Variants in PTPRQ observed in about 807,000 individuals in gnomAD.
PTPRQ encodes protein tyrosine phosphatase receptor type Q, also known as phosphatidylinositol phosphatase PTPRQ.
Under a neutral mutation model 246.0 loss-of-function variants are expected in PTPRQ, and 199 were observed. That is an observed-to-expected ratio of 0.81 (90% CI 0.72 to 0.91). The LOEUF (loss-of-function observed/expected upper bound fraction) is 0.91. Among genes scored for constraint, PTPRQ ranks in the 40% least tolerant of loss-of-function variants. The probability of loss-of-function intolerance (pLI) is 0.00; values close to 1 mark genes in which losing one functional copy is unlikely to be tolerated. For missense variants in PTPRQ, 2,624 were observed against 2,528.4 expected (o/e 1.04, Z -0.81); for synonymous variants, 869 against 853.2 (o/e 1.02, Z -0.32).
chr12:80,534,596 T>A (rs1189014680), intron 18 of PTPRQ, among the ~76,000 whole-genome samples: 2 of 152,050 alleles, frequency 1.3e-5, no homozygotes, highest in East Asian at 3.9e-4. Context: ...TATTTTGTAT[T>A]GGAAACCTGT....
intron 17 of PTPRQ, among the ~76,000 whole-genome samples, chr12:80,522,208 A>G (rs1195716551): frequency 6.6e-6 from 1 of 152,278 alleles, no homozygotes; most frequent in South Asian, 2.1e-4. Context: ...TTGTACATTG[A>G]TTTTGTATCC....
At chr12:80,643,078 C>T (rs1016273443) in intron 35 of PTPRQ, among the ~76,000 whole-genome samples, 1 of 152,094 alleles carries the variant, frequency 6.6e-6, no homozygotes, top group Non-Finnish European at 1.5e-5. Flanking sequence ...TTGTCCTACA[C>T]ATATGAGAAG....
rs985645807 is a variant in PTPRQ at position 80,521,839 on chromosome 12, A to G, written c.2678+11396A>G. Among the ~76,000 whole-genome samples the G allele has an allele frequency of 6.8e-4, 103 of 152,158 alleles. 1 individual carries two copies. Among genetic ancestry groups the G allele is most frequent in the Admixed American group, 1.9e-3 (29 of 15,266 alleles). ...TCTTTTGGCTTAGGATTGACTTGGC[A>G]ATGTGGGCTCTTTTTTGGTTCCATA... On this transcript the variant is annotated intron_variant, in intron 17 of 44. Transcript: ENST00000644991.
chr12:80,477,652 G>T (rs192845697), intron 8 of PTPRQ, among the ~76,000 whole-genome samples: 1 of 152,166 alleles, frequency 6.6e-6, no homozygotes, highest in African/African-American at 2.4e-5. Context: ...GACAGTGGGC[G>T]CAGGTCAGTG....
chr12:80,556,423 T>C (rs1281885587), intron 25 of PTPRQ, among the ~76,000 whole-genome samples: 1 of 152,166 alleles, frequency 6.6e-6, no homozygotes, highest in Admixed American at 6.5e-5. Flanking sequence ...TTATTGATAG[T>C]TTCAAAATTG....
intron 23 of PTPRQ, among the ~76,000 whole-genome samples, chr12:80,543,299 A>G (rs754877937): frequency 6.6e-5 from 10 of 151,834 alleles, no homozygotes; most frequent in Non-Finnish European, 1.0e-4. Context: ...CAGATAGCAT[A>G]TGATCCTACA....
At chr12:80,567,941 TA>T (rs765454822) in intron 25 of PTPRQ, among the ~76,000 whole-genome samples, 1 of 152,148 alleles carries the variant, frequency 6.6e-6, no homozygotes, top group Non-Finnish European at 1.5e-5. Flanking sequence ...CGAGGTGACA[TA>T]AAAAGTATAT....
At chr12:80,444,624 TA>T in intron 1 of PTPRQ, 116 bp from the exon 2 acceptor site, 1 of 765,402 alleles carries the variant, frequency 1.3e-6, no homozygotes, top group Non-Finnish European at 2.2e-6. Flanking sequence ...TGTGATGTTA[TA>T]AACAGTGCAG....
chr12:80,511,171 G>A (rs1226581020), intron 17 of PTPRQ, among the ~76,000 whole-genome samples: 1 of 152,062 alleles, frequency 6.6e-6, no homozygotes, highest in Non-Finnish European at 1.5e-5. Flanking sequence ...TGAATTTGAA[G>A]GGCCAGCATT....
At chr12:80,632,153 A>T (rs1443924250) in intron 33 of PTPRQ, 39 bp from the exon 34 acceptor site, 1 of 1,532,058 alleles carries the variant, frequency 6.5e-7, no homozygotes, top group African/African-American at 1.4e-5. Context: ...ATAAGATTCC[A>T]TAATAATATT....
At chr12:80,615,166 C>T (rs1429181987) in intron 29 of PTPRQ, among the ~76,000 whole-genome samples, 3 of 150,892 alleles carry the variant, frequency 2.0e-5, no homozygotes, top group Non-Finnish European at 4.5e-5. Context: ...AAATAATGGA[C>T]CATACTATAA....
At chr12:80,503,075 C>A (rs541620869) in intron 14 of PTPRQ, among the ~76,000 whole-genome samples, 36 of 151,814 alleles carry the variant, frequency 2.4e-4, no homozygotes, top group Middle Eastern at 6.8e-3. Flanking sequence ...ATCTGTGGTT[C>A]TTCAGGAAGA....
At chr12:80,520,822 C>T (rs1028698558) in intron 17 of PTPRQ, among the ~76,000 whole-genome samples, 17 of 152,030 alleles carry the variant, frequency 1.1e-4, no homozygotes, top group African/African-American at 2.2e-4. Context: ...AATAAACATA[C>T]GTGTGCATGT....
At chr12:80,456,380 A>C (rs551593016) in intron 3 of PTPRQ, among the ~76,000 whole-genome samples, 9 of 152,326 alleles carry the variant, frequency 5.9e-5, no homozygotes, top group African/African-American at 2.2e-4. Context: ...TATTTCATGA[A>C]GAAAACATAG....
intron 17 of PTPRQ, among the ~76,000 whole-genome samples, chr12:80,520,536 G>C (rs1181087913): frequency 8.0e-6 from 1 of 125,002 alleles, no homozygotes; most frequent in African/African-American, 3.2e-5. Flanking sequence ...ACAGGCCCCG[G>C]TGTGTGATGT....
chr12:80,483,476 T>C lies in PTPRQ; in HGVS notation c.1187-957T>C, dbSNP rs577476131. On this transcript the variant is annotated intron_variant, in intron 8 of 44. Coordinates refer to ENST00000644991, the MANE Select transcript of PTPRQ (RefSeq NM_001145026.2). ...CACCAGCGTGGCACATGTATACATA[T>C]GTAACTAACCTGCACAATGTGCACA... Among the ~76,000 whole-genome samples the C allele has an allele frequency of 1.5e-4, 23 of 151,366 alleles. No individual in the cohort carries two copies. In the South Asian group the frequency reaches 4.4e-3, roughly 29 times the overall value.
chr12:80,474,010 A>G (rs906117963), intron 8 of PTPRQ, among the ~76,000 whole-genome samples: 2 of 152,184 alleles, frequency 1.3e-5, no homozygotes, highest in Non-Finnish European at 2.9e-5. Context: ...GCCTTCATCC[A>G]TGGAGTTCTC....
At position 80,445,676 on chromosome 12, in the gene PTPRQ, C is replaced by T. The variant is rs1244452868; in HGVS notation, c.349C>T (p.Leu117Phe). The change falls in exon 3 of 45, where the codon CTT becomes TTT. Residue 117 changes from leucine (L) to phenylalanine (F), a missense_variant. Leu to Phe is a conservative substitution (Grantham distance 22). Transcript: ENST00000644991. ...ATCAAAGCCAGACAGTCTGGAAGTTCTTCTTACTAATCTTAATCCTGGAAC... is the reference window on the plus strand; with the variant it reads ...ATCAAAGCCAGACAGTCTGGAAGTTTTTCTTACTAATCTTAATCCTGGAAC... Reference protein sequence around the residue: ...VRSKPDSLEVLLTNLNPGTTY... With the variant: ...VRSKPDSLEVFLTNLNPGTTY... 6.5e-7 allele frequency: 1 copy of T among 1,549,210 alleles called. No individual in the cohort carries two copies. Among genetic ancestry groups the T allele is most frequent in the African/African-American group, 1.4e-5 (1 of 73,006 alleles).
intron 17 of PTPRQ, among the ~76,000 whole-genome samples, chr12:80,522,610 A>C (rs574288295): frequency 1.3e-5 from 2 of 152,118 alleles, no homozygotes; most frequent in Non-Finnish European, 2.9e-5. Flanking sequence ...TTCTGCATCT[A>C]TTGAGATAAT....
Sources: gnomAD v4.1 joint callset for allele counts (sites outside exome capture counted in the v4.1 genomes callset) on GRCh38, gnomAD v4.1.1 for gene constraint, MANE v1.5 for transcripts, NCBI Gene and HGNC (gene_info 2026-07-23, HGNC 2026-07-21) for gene names.